The following ZBBX variants were observed in gnomAD, a reference collection of about 807,000 sequenced individuals.
ZBBX encodes the protein zinc finger B-box domain-containing protein 1.
Under a neutral mutation model 108.5 loss-of-function variants are expected in ZBBX, and 101 were observed. The ratio of observed to expected loss-of-function variants is 0.93; its 90% CI spans 0.79 to 1.10. The LOEUF is 1.10. Among genes scored for constraint, ZBBX ranks in the 50% least tolerant of loss-of-function variants. ZBBX has a pLI of 0.00. For synonymous variants in ZBBX, 356 were observed against 323.4 expected, an observed-to-expected ratio of 1.10 and a Z score of -1.08; for missense variants, 1,009 against 941.4, an observed-to-expected ratio of 1.07 and a Z score of -0.94.
chr3:167,326,380 G>A (rs1737384405), intron 11 of ZBBX, among the ~76,000 whole-genome samples: 1 of 152,088 alleles, frequency 6.6e-6, no homozygotes, highest in Middle Eastern at 3.2e-3. Flanking sequence ...TCTATATGAT[G>A]AGACTGAGGT....
chr3:167,186,293 T>C, the ZBBX span, among the ~76,000 whole-genome samples: 612 of 152,102 alleles, frequency 4.0e-3, 2 homozygotes, highest in Non-Finnish European at 6.6e-3. Flanking sequence ...CCTTTGTACA[T>C]AGACAACTAA....
chr3:167,255,348 C>T (rs1234187301), intron 20 of ZBBX, among the ~76,000 whole-genome samples: 1 of 151,760 alleles, frequency 6.6e-6, no homozygotes, highest in East Asian at 1.9e-4. Context: ...TATAATAAAA[C>T]CATCAAGAGA....
intron 17 of ZBBX, among the ~76,000 whole-genome samples, chr3:167,301,021 C>T (rs1373098368): frequency 1.3e-5 from 2 of 151,314 alleles, no homozygotes; most frequent in African/African-American, 4.9e-5. Context: ...ATTTCATCAC[C>T]TAGGCATTAA....
intron 11 of ZBBX, 100 bp from the exon 12 acceptor site, chr3:167,322,337 T>G: frequency 1.0e-6 from 1 of 973,664 alleles, no homozygotes; most frequent in Non-Finnish European, 1.4e-6. Context: ...GGGGCATATA[T>G]GCTTTAATAT....
chr3:167,257,359 G>A (rs1723701534), intron 20 of ZBBX, among the ~76,000 whole-genome samples: 1 of 152,008 alleles, frequency 6.6e-6, no homozygotes, highest in African/African-American at 2.4e-5. Context: ...CACAAACAAG[G>A]ATTATTTAAT....
In ZBBX at chr3:167,285,335, C is replaced by T. The variant is rs980055086; in HGVS notation, c.1997-2840G>A. 2.0e-4 allele frequency among the ~76,000 whole-genome samples: 31 copies of T among 152,074 alleles called. No homozygotes were observed. In the East Asian group the frequency reaches 2.3e-3, roughly 11 times the overall value. On this transcript the variant is annotated intron_variant, in intron 19 of 21. Transcript: ENST00000675490. ...ACTATAGCAACATAATTTTAGGTAG[C>T]GTTTTAATAACAAATAATATTCTTA...
the ZBBX span, among the ~76,000 whole-genome samples, chr3:167,180,839 G>A: frequency 6.6e-6 from 1 of 152,182 alleles, no homozygotes; most frequent in African/African-American, 2.4e-5. Flanking sequence ...ATCATAGCAG[G>A]AGAAGCCAAT....
chr3:167,308,314 T>C (rs2108246664), intron 16 of ZBBX, among the ~76,000 whole-genome samples: 1 of 152,198 alleles, frequency 6.6e-6, no homozygotes, highest in African/African-American at 2.4e-5. Flanking sequence ...AAATAACAGA[T>C]GCTGGTGAGG....
intron 20 of ZBBX, among the ~76,000 whole-genome samples, chr3:167,248,857 T>C (rs1722061292): frequency 6.6e-6 from 1 of 152,146 alleles, no homozygotes; most frequent in Non-Finnish European, 1.5e-5. Flanking sequence ...ATTCTCCAGG[T>C]TTTCCCTGCT....
intron 9 of ZBBX, among the ~76,000 whole-genome samples, chr3:167,337,640 T>C (rs890210213): frequency 6.6e-6 from 1 of 152,184 alleles, no homozygotes; most frequent in African/African-American, 2.4e-5. Flanking sequence ...TAACTACTGT[T>C]AACAGTTTTT....
At chr3:167,379,184 T>G (rs1430790901) in intron 2 of ZBBX, among the ~76,000 whole-genome samples, 1 of 152,174 alleles carries the variant, frequency 6.6e-6, no homozygotes, top group East Asian at 1.9e-4. Context: ...CCATGTTTCC[T>G]AACGATCTTG....
intron 20 of ZBBX, among the ~76,000 whole-genome samples, chr3:167,255,844 T>C (rs533791148): frequency 1.3e-5 from 2 of 152,238 alleles, no homozygotes; most frequent in East Asian, 3.9e-4. Context: ...AAATGTACAA[T>C]TAAATTATAA....
chr3:167,178,868 C>T, the ZBBX span, among the ~76,000 whole-genome samples: 3 of 152,052 alleles, frequency 2.0e-5, no homozygotes, highest in South Asian at 2.1e-4. Context: ...ATGTGGTGTG[C>T]CTTAGTCCCT....
chr3:167,315,954 T>C (rs1735381983), intron 14 of ZBBX, 125 bp from the exon 15 acceptor site: 1 of 559,774 alleles, frequency 1.8e-6, no homozygotes, highest in African/African-American at 1.9e-5. Flanking sequence ...GAGCTCTAAT[T>C]ATATTTTATA....
At chr3:167,234,994 G>A (rs531803475), downstream of ZBBX, among the ~76,000 whole-genome samples, 1 of 151,788 alleles carries the variant, frequency 6.6e-6, no homozygotes, top group Admixed American at 6.6e-5. Context: ...TTTACAGTGA[G>A]GTAATCTTGA....
At chr3:167,228,234 G>T in the ZBBX span, among the ~76,000 whole-genome samples, 6 of 151,648 alleles carry the variant, frequency 4.0e-5, no homozygotes, top group Non-Finnish European at 8.9e-5. Context: ...TTTCAGCAGA[G>T]GCCAAAGAGT....
chr3:167,182,261 A>G, the ZBBX span, among the ~76,000 whole-genome samples: 1 of 152,154 alleles, frequency 6.6e-6, no homozygotes, highest in South Asian at 2.1e-4. Context: ...ATTACCTCCA[A>G]TACCATCACA....
At chr3:167,295,142 CA>C in intron 18 of ZBBX, among the ~76,000 whole-genome samples, 1 of 152,244 alleles carries the variant, frequency 6.6e-6, no homozygotes, top group African/African-American at 2.4e-5. Flanking sequence ...GGTAATTCCT[CA>C]AGGATCTAGA....
chr3:167,403,422 A>G (rs573079245), intron 1 of ZBBX, among the ~76,000 whole-genome samples: 1 of 152,298 alleles, frequency 6.6e-6, no homozygotes, highest in East Asian at 1.9e-4. Flanking sequence ...CTGCACTATA[A>G]GAAATGTCAA....
Sources: gnomAD v4.1 joint callset for allele counts (sites outside exome capture counted in the v4.1 genomes callset) on GRCh38, gnomAD v4.1.1 for gene constraint, MANE v1.5 for transcripts, NCBI Gene and HGNC (gene_info 2026-07-23, HGNC 2026-07-21) for gene names.